ATG7: variants seen among roughly 807,000 people sequenced by gnomAD.
The protein encoded by ATG7 is autophagy related 7.
A neutral mutation model predicts 82.4 loss-of-function variants in ATG7; 70 were observed. That is an observed-to-expected ratio of 0.85 (90% CI 0.70 to 1.04). ATG7 has a LOEUF of 1.04. Ranked by LOEUF, ATG7 falls within the 50% of genes least tolerant of loss-of-function variation. The pLI is 0.00. For synonymous variants in ATG7, 287 were observed against 313.0 expected (o/e 0.92, Z 0.88); for missense variants, 792 against 864.3 (o/e 0.92, Z 1.05).
intron 13 of ATG7, among the ~76,000 whole-genome samples, chr3:11,343,047 A>G (rs1291731947): frequency 1.3e-5 from 2 of 151,934 alleles, no homozygotes; most frequent in African/African-American, 2.4e-5. Context: ...TCCTGCCTCA[A>G]CTTCCCGAGT....
rs1474814107 is a variant in ATG7, at chr3:11,452,490, A to T, written c.2079+25564A>T. On this transcript the variant is annotated intron_variant, in intron 20 of 20. Coordinates refer to ENST00000693202, the MANE Select transcript of ATG7 (RefSeq NM_001349232.2). ...AAGCCATTGAACTGTTAAATTGGTG[A>T]ATTCATGCTACGTGAATTATATCTC... 2.6e-5 allele frequency among the ~76,000 whole-genome samples: 4 copies of T among 151,868 alleles called. No homozygotes were observed. The East Asian group carries it at 5.8e-4, about 22-fold the overall frequency.
intron 20 of ATG7, among the ~76,000 whole-genome samples, chr3:11,552,484 C>G (rs1012452049): frequency 6.6e-6 from 1 of 152,104 alleles, no homozygotes; most frequent in Non-Finnish European, 1.5e-5. Flanking sequence ...CCTGCAGATC[C>G]CAGCCCCCAG....
At chr3:11,469,017 C>G (rs2087127191) in intron 20 of ATG7, among the ~76,000 whole-genome samples, 1 of 152,218 alleles carries the variant, frequency 6.6e-6, no homozygotes, top group Non-Finnish European at 1.5e-5. Flanking sequence ...GCTCTCTCAT[C>G]TCTTCTTGAG....
intron 5 of ATG7, among the ~76,000 whole-genome samples, chr3:11,302,759 T>C (rs529068790): frequency 1.3e-5 from 2 of 152,360 alleles, no homozygotes; most frequent in African/African-American, 4.8e-5. Context: ...TACTCACTTA[T>C]AGATGTCAAG....
intron 19 of ATG7, among the ~76,000 whole-genome samples, chr3:11,398,099 A>T (rs1284865001): frequency 2.0e-5 from 3 of 151,404 alleles, no homozygotes; most frequent in Non-Finnish European, 4.4e-5. Context: ...AAAAAAAAGG[A>T]AAATTTTAAT....
intron 18 of ATG7, among the ~76,000 whole-genome samples, chr3:11,372,499 A>G (rs1433616696): frequency 6.6e-6 from 1 of 150,748 alleles, no homozygotes; most frequent in Non-Finnish European, 1.5e-5. Context: ...AAATGAACCC[A>G]TTTTAGTATG....
intron 20 of ATG7, among the ~76,000 whole-genome samples, chr3:11,465,463 G>C (rs974030654): frequency 6.1e-5 from 9 of 148,546 alleles, no homozygotes; most frequent in Non-Finnish European, 7.4e-5. Flanking sequence ...AAAAAAATGA[G>C]CCTGTAAGTC....
rs567565065 is a variant in ATG7, at chr3:11,503,497, G to A, written c.2080-51314G>A. On this transcript the variant is annotated intron_variant, in intron 20 of 20. Coordinates refer to ENST00000693202, the MANE Select transcript of ATG7 (RefSeq NM_001349232.2). ...ATTCAGGCCGGGCGCAGTGGCTCAC[G>A]CCTGTAATCCCAGCACTTTGGGAGG... is the stretch of plus-strand genomic sequence containing the variant. 1.7e-3 allele frequency among the ~76,000 whole-genome samples: 259 copies of A among 152,078 alleles called. 1 individual carries two copies. Among genetic ancestry groups the A allele is most frequent in the African/African-American group, 5.3e-3 (219 of 41,496 alleles).
chr3:11,484,420 A>G (rs1227152644), intron 20 of ATG7, among the ~76,000 whole-genome samples: 1 of 152,102 alleles, frequency 6.6e-6, no homozygotes, highest in African/African-American at 2.4e-5. Flanking sequence ...AAACAAAAAA[A>G]CCACAAAAAC....
At chr3:11,520,476 T>C (rs1031591730) in intron 20 of ATG7, among the ~76,000 whole-genome samples, 1 of 152,222 alleles carries the variant, frequency 6.6e-6, no homozygotes, top group African/African-American at 2.4e-5. Context: ...CAGTAGCTAT[T>C]ATGGCTACTG....
intron 20 of ATG7, among the ~76,000 whole-genome samples, chr3:11,504,050 T>G (rs1267270172): frequency 6.6e-6 from 1 of 152,106 alleles, no homozygotes; most frequent in African/African-American, 2.4e-5. Flanking sequence ...ATGTCTCCAT[T>G]GAGAGAGTCT....
At chr3:11,422,554 C>G (rs2082017083) in intron 19 of ATG7, among the ~76,000 whole-genome samples, 1 of 152,052 alleles carries the variant, frequency 6.6e-6, no homozygotes, top group Admixed American at 6.5e-5. Context: ...TCTTCCAGAT[C>G]ACTAAAACTT....
chr3:11,567,260 AAAC>A, the ATG7 span, among the ~76,000 whole-genome samples: 1 of 152,132 alleles, frequency 6.6e-6, no homozygotes, highest in African/African-American at 2.4e-5. Flanking sequence ...ACACAAACAA[AAAC>A]AATCAGAGCG....
chr3:11,282,515 G>A (rs931651820), intron 3 of ATG7, 77 bp downstream of exon 3: 2 of 152,186 alleles, frequency 1.3e-5, no homozygotes, highest in African/African-American at 4.8e-5. Flanking sequence ...GAAATCACCT[G>A]AAAGCACAGT....
At chr3:11,280,431 G>T (rs1942844839) in intron 1 of ATG7, among the ~76,000 whole-genome samples, 1 of 152,186 alleles carries the variant, frequency 6.6e-6, no homozygotes, top group South Asian at 2.1e-4. Flanking sequence ...GTCCAAGGTG[G>T]TGTGGCTAGA....
intron 20 of ATG7, among the ~76,000 whole-genome samples, chr3:11,429,189 C>T (rs2082632269): frequency 1.3e-5 from 2 of 152,066 alleles, no homozygotes; most frequent in African/African-American, 2.4e-5. Context: ...TGAATAAAGC[C>T]ATCATTTAAA....
chr3:11,294,828 T>A (rs1945596125), intron 3 of ATG7, among the ~76,000 whole-genome samples: 2 of 152,010 alleles, frequency 1.3e-5, no homozygotes, highest in African/African-American at 4.8e-5. Context: ...TAATAAGTGC[T>A]CAAAGGCCGG....
intron 15 of ATG7, 93 bp downstream of exon 15, chr3:11,358,705 T>G (rs565627463): frequency 3.8e-5 from 51 of 1,346,090 alleles, no homozygotes; most frequent in Middle Eastern, 5.3e-4. Context: ...AGGGCAGAGA[T>G]GTGGTTTGTG....
chr3:11,543,010 G>C (rs1309875517), intron 20 of ATG7, among the ~76,000 whole-genome samples: 1 of 152,178 alleles, frequency 6.6e-6, no homozygotes, highest in Non-Finnish European at 1.5e-5. Flanking sequence ...CGTGTGCACA[G>C]GCCTGGTCTG....
Sources: gnomAD v4.1 joint callset for allele counts (sites outside exome capture counted in the v4.1 genomes callset) on GRCh38, gnomAD v4.1.1 for gene constraint, MANE v1.5 for transcripts, NCBI Gene and HGNC (gene_info 2026-07-23, HGNC 2026-07-21) for gene names.